Variants in ADAMTSL1 observed in about 807,000 individuals in gnomAD.
The protein encoded by ADAMTSL1 is ADAMTS-like protein 1.
ADAMTSL1 carries 126 observed loss-of-function variants against 201.8 expected under a neutral mutation model. That is an observed-to-expected ratio of 0.62 (90% CI 0.54 to 0.72). The LOEUF (loss-of-function observed/expected upper bound fraction) is 0.72. Among genes scored for constraint, ADAMTSL1 ranks in the 30% least tolerant of loss-of-function variants. The pLI, the probability that ADAMTSL1 is intolerant of heterozygous loss-of-function variation, is 0.00. For synonymous variants in ADAMTSL1, 1,121 were observed against 903.4 expected (o/e 1.24, Z -4.32); for missense variants, 2,679 against 2,277.8 (o/e 1.18, Z -3.59).
At chr9:18,263,460 G>T (rs1052586199) in intron 2 of ADAMTSL1, among the ~76,000 whole-genome samples, 1 of 152,148 alleles carries the variant, frequency 6.6e-6, no homozygotes, top group Non-Finnish European at 1.5e-5. Context: ...TGGTGTTGTA[G>T]AACTCTCAGC....
intron 1 of ADAMTSL1, among the ~76,000 whole-genome samples, chr9:18,045,561 A>G (rs189976487): frequency 7.2e-4 from 109 of 152,306 alleles, no homozygotes; most frequent in African/African-American, 2.4e-3. Context: ...AATTAGATGA[A>G]TGGGTAGGTC....
At chr9:18,816,960 G>C (rs1191533620) in intron 20 of ADAMTSL1, 149 bp from the exon 21 acceptor site, 4 of 950,716 alleles carry the variant, frequency 4.2e-6, no homozygotes, top group Non-Finnish European at 6.1e-6. Flanking sequence ...TTTATACTGT[G>C]CGCTTGCAAT....
intron 1 of ADAMTSL1, among the ~76,000 whole-genome samples, chr9:17,953,037 T>TC (rs1827791110): frequency 6.6e-6 from 1 of 151,748 alleles, no homozygotes; most frequent in South Asian, 2.1e-4. Flanking sequence ...TCCATAGTTT[T>TC]TTTTTTTTGG....
intron 1 of ADAMTSL1, among the ~76,000 whole-genome samples, chr9:17,918,153 C>T (rs1478889498): frequency 2.6e-5 from 4 of 151,448 alleles, no homozygotes; most frequent in Non-Finnish European, 4.4e-5. Context: ...TTTTCTATTT[C>T]ACTCATTTCC....
chr9:18,139,243 G>A (rs1248137115), intron 1 of ADAMTSL1, among the ~76,000 whole-genome samples: 1 of 152,146 alleles, frequency 6.6e-6, no homozygotes, highest in East Asian at 1.9e-4. Context: ...GGCATATGTT[G>A]TTCCCTAAGT....
intron 3 of ADAMTSL1, among the ~76,000 whole-genome samples, chr9:18,564,367 T>C (rs1443663130): frequency 2.0e-5 from 3 of 152,140 alleles, no homozygotes; most frequent in Non-Finnish European, 4.4e-5. Flanking sequence ...CCCAGTGAGA[T>C]GACCGGGGTA....
chr9:18,169,136 C>T (rs1384207086), intron 2 of ADAMTSL1, among the ~76,000 whole-genome samples: 2 of 148,296 alleles, frequency 1.3e-5, no homozygotes, highest in East Asian at 4.0e-4. Context: ...TTAATGAGAT[C>T]CCATTTGTCA....
intron 7 of ADAMTSL1, among the ~76,000 whole-genome samples, chr9:18,649,668 G>T (rs144799042): frequency 0.091 from 13,793 of 152,216 alleles, 759 homozygotes; most frequent in Admixed American, 0.13. Context: ...GACCCTGTTT[G>T]CCTGGGTATC....
At chr9:18,398,582 A>G (rs892658693) in intron 2 of ADAMTSL1, among the ~76,000 whole-genome samples, 4 of 152,144 alleles carry the variant, frequency 2.6e-5, no homozygotes, top group African/African-American at 4.8e-5. Context: ...AACTTTTTAC[A>G]ATTATTTTCC....
At chr9:18,414,810 A>G (rs1018878307) in intron 2 of ADAMTSL1, among the ~76,000 whole-genome samples, 3 of 152,210 alleles carry the variant, frequency 2.0e-5, no homozygotes, top group African/African-American at 7.2e-5. Context: ...TGATCAGTAC[A>G]TGCCTGTTAA....
chr9:18,317,950 G>A (rs902610931), intron 2 of ADAMTSL1, among the ~76,000 whole-genome samples: 1 of 152,182 alleles, frequency 6.6e-6, no homozygotes, highest in Non-Finnish European at 1.5e-5. Flanking sequence ...GCTGCTTAGT[G>A]CAGGACAATA....
chr9:18,718,193 A>T, intron 14 of ADAMTSL1: 1 of 782,736 alleles, frequency 1.3e-6, no homozygotes, highest in Non-Finnish European at 2.4e-6. Flanking sequence ...TACCAACAAG[A>T]ATCATTGGAA....
intron 16 of ADAMTSL1, among the ~76,000 whole-genome samples, chr9:18,755,386 A>G (rs965739611): frequency 1.3e-5 from 2 of 152,240 alleles, no homozygotes; most frequent in African/African-American, 2.4e-5. Flanking sequence ...TAAGTTATGG[A>G]TAAAATGTTT....
At chr9:18,597,839 G>A (rs947853968) in intron 4 of ADAMTSL1, among the ~76,000 whole-genome samples, 1 of 152,076 alleles carries the variant, frequency 6.6e-6, no homozygotes, top group African/African-American at 2.4e-5. Context: ...CCAAGTTTTA[G>A]CACATTCATG....
At chr9:18,514,369 T>G (rs1186212279) in intron 2 of ADAMTSL1, among the ~76,000 whole-genome samples, 1 of 142,626 alleles carries the variant, frequency 7.0e-6, no homozygotes, top group Non-Finnish European at 1.5e-5. Flanking sequence ...TCTCGCTGTC[T>G]CCCAGGCTGG....
At chr9:18,222,171 C>T (rs1185410973) in intron 2 of ADAMTSL1, among the ~76,000 whole-genome samples, 1 of 151,642 alleles carries the variant, frequency 6.6e-6, no homozygotes, top group Non-Finnish European at 1.5e-5. Context: ...TCTTTATGTT[C>T]TAGAAGTATC....
At chr9:18,179,135 T>G (rs1828326427) in intron 2 of ADAMTSL1, among the ~76,000 whole-genome samples, 1 of 151,882 alleles carries the variant, frequency 6.6e-6, no homozygotes, top group African/African-American at 2.4e-5. Context: ...TTGAAAAAAT[T>G]TAGAAGAATG....
chr9:18,063,048 G>A (rs1233448629), intron 1 of ADAMTSL1, among the ~76,000 whole-genome samples: 64 of 152,276 alleles, frequency 4.2e-4, no homozygotes, highest in Non-Finnish European at 1.0e-4. Flanking sequence ...AAAGTTTGTT[G>A]CCGGGTGTGG....
chr9:18,777,306 C>G lies in ADAMTSL1; in HGVS notation c.3077C>G (p.Ser1026Cys). The change falls in exon 19 of 29, where the codon TCC becomes TGC. Residue 1026 changes from serine (S) to cysteine (C), a missense_variant. Ser to Cys is a moderately radical substitution (Grantham distance 112, BLOSUM62 -1). Transcript: ENST00000380548. ...GGGAGCCGCTACGACGACCTCGTCT[C>G]CCGGCTGCTGGAGCAGGGCGGCTGG... is the stretch of plus-strand genomic sequence containing the variant. ...NPGSRYDDLV[S>C]RLLEQGGWPG... 1 of 1,603,898 alleles carries G rather than the reference C, an allele frequency of 6.2e-7. No individual in the cohort carries two copies. The highest frequency in any genetic ancestry group is 2.2e-5 in the East Asian group (1 of 44,510).
Sources: allele counts gnomAD v4.1 joint callset (sites outside exome capture counted in the v4.1 genomes callset), GRCh38; gene constraint gnomAD v4.1.1; transcripts MANE v1.5; gene names NCBI Gene and HGNC (gene_info 2026-07-23, HGNC 2026-07-21).